Variants in CECR2 observed in about 807,000 individuals in gnomAD.
CECR2 encodes CECR2 histone acetyl-lysine reader, also known as chromatin remodeling regulator CECR2.
A neutral mutation model predicts 154.5 loss-of-function variants in CECR2; 30 were observed. That is an observed-to-expected ratio of 0.19 (90% CI 0.15 to 0.26). CECR2 has a LOEUF of 0.26. CECR2 is among the 10% of genes least tolerant of loss of function. The probability of loss-of-function intolerance (pLI) is 1.00; values close to 1 mark genes in which losing one functional copy is unlikely to be tolerated. For synonymous variants in CECR2, 725 were observed against 683.7 expected (o/e 1.06, Z -0.94); for missense variants, 1,743 against 1,829.3 (o/e 0.95, Z 0.86).
In CECR2 at chr22:17,405,638, TCAA is replaced by T. The variant is rs2053972127; in HGVS notation, c.126+35730_126+35732del. ...CTGGGCAAAAGAGTGAGACTCCATC[TCAA>T]AAAAAAAAAAAAAAAAAAAAAAAAA... On this transcript the variant is annotated intron_variant, in intron 1 of 18. Coordinates refer to ENST00000262608, the MANE Select transcript of CECR2 (RefSeq NM_001290047.2). Among the ~76,000 whole-genome samples, 4 of 56,170 alleles carry T rather than the reference TCAA, an allele frequency of 7.1e-5. No homozygotes were observed. In the Admixed American group the frequency reaches 8.5e-4, roughly 12 times the overall value. 36.8% of individuals were successfully genotyped at this position (56,170 alleles called of 152,430 possible). A position where few individuals can be genotyped will look rare whatever the true frequency, so the allele number is the denominator to read the frequency against.
chr22:17,532,350 G>A (rs1327932123), intron 9 of CECR2, among the ~76,000 whole-genome samples: 1 of 152,176 alleles, frequency 6.6e-6, no homozygotes, highest in African/African-American at 2.4e-5. Context: ...AAGACTGTAG[G>A]TGAGAGTCTG....
intron 1 of CECR2, among the ~76,000 whole-genome samples, chr22:17,411,960 G>A (rs866856071): frequency 4.6e-5 from 7 of 151,908 alleles, no homozygotes; most frequent in Admixed American, 2.0e-4. Flanking sequence ...CCCTGTTGTC[G>A]GACGTCAAGG....
chr22:17,540,179 T>C (rs1376848671), intron 13 of CECR2, among the ~76,000 whole-genome samples: 1 of 152,208 alleles, frequency 6.6e-6, no homozygotes, highest in African/African-American at 2.4e-5. Flanking sequence ...CCATACAACC[T>C]TGGGCATCTT....
intron 2 of CECR2, among the ~76,000 whole-genome samples, chr22:17,495,163 A>G (rs535091529): frequency 6.0e-4 from 91 of 152,266 alleles, no homozygotes; most frequent in Non-Finnish European, 1.0e-3. Context: ...ATAAGAAAAA[A>G]CTTTTCACAT....
chr22:17,379,090 G>A (rs2063154818), intron 1 of CECR2, among the ~76,000 whole-genome samples: 1 of 152,036 alleles, frequency 6.6e-6, no homozygotes, highest in African/African-American at 2.4e-5. Flanking sequence ...TCAAGAAGCT[G>A]GTATTACAGG....
Position 17,504,877 on chromosome 22 carries a change from G to T in CECR2, c.731G>T (p.Trp244Leu), listed in dbSNP as rs778468695. Residue 244 changes from tryptophan to leucine, a missense_variant, in exon 7 of 19, where the codon TGG (tryptophan) becomes TTG (leucine). Physicochemically the swap from Trp to Leu is moderately conservative, Grantham distance 61. This residue lies in a region of CECR2 where 292 missense variants were observed against 301.2 expected (regional missense o/e 0.97). Coordinates refer to ENST00000262608, the MANE Select transcript of CECR2 (RefSeq NM_001290047.2). Reference protein sequence around the residue: ...GSQGPGQGTWWLLCQTEEEWR... With the variant: ...GSQGPGQGTWLLLCQTEEEWR... ...CAAGGGCCAGGCCAAGGTACTTGGT[G>T]GCTCCTGTGCCAGACAGAAGAGGAA... 7 of 1,613,790 alleles carry T rather than the reference G, an allele frequency of 4.3e-6. No individual in the cohort carries two copies. Among genetic ancestry groups the T allele is most frequent in the Non-Finnish European group, 5.9e-6 (7 of 1,179,872 alleles).
At chr22:17,515,818 G>C (rs1311414155) in intron 8 of CECR2, among the ~76,000 whole-genome samples, 1 of 152,056 alleles carries the variant, frequency 6.6e-6, no homozygotes, top group Non-Finnish European at 1.5e-5. Flanking sequence ...TGGGACTACA[G>C]GCGCCCGCCA....
At chr22:17,528,902 G>A (rs1305846841) in intron 9 of CECR2, among the ~76,000 whole-genome samples, 1 of 152,142 alleles carries the variant, frequency 6.6e-6, no homozygotes, top group African/African-American at 2.4e-5. Context: ...TAATAGTGGT[G>A]AGTGATCTGA....
intron 8 of CECR2, among the ~76,000 whole-genome samples, chr22:17,522,226 T>TG (rs1215557076): frequency 6.6e-6 from 1 of 152,240 alleles, no homozygotes; most frequent in African/African-American, 2.4e-5. Flanking sequence ...TGGTGTTTTT[T>TG]TGGCATCAGT....
chr22:17,548,276 G>A lies in CECR2; in HGVS notation c.2989G>A (p.Glu997Lys), dbSNP rs768076456. Reference protein sequence around the residue: ...TDCTRQSSPQERETVGPELKS... With the variant: ...TDCTRQSSPQKRETVGPELKS... ...CTGCACCAGGCAGAGCTCACCACAA[G>A]AAAGGGAAACAGTGGGCCCGGAGCT... The change falls in exon 17 of 19, where the codon GAA becomes AAA. Residue 997 changes from glutamate to lysine, a missense_variant. This residue lies in a region of CECR2 where 1,250 missense variants were observed against 1,192.1 expected (regional missense o/e 1.05). Coordinates refer to ENST00000262608, the MANE Select transcript of CECR2 (RefSeq NM_001290047.2). The A allele has an allele frequency of 6.2e-7, 1 of 1,607,606 alleles. No homozygotes were observed. Among genetic ancestry groups the A allele is most frequent in the South Asian group, 1.1e-5 (1 of 89,916 alleles).
chr22:17,373,504 T>G (rs2063084225), intron 1 of CECR2, among the ~76,000 whole-genome samples: 1 of 152,188 alleles, frequency 6.6e-6, no homozygotes, highest in Non-Finnish European at 1.5e-5. Context: ...ATTGTATCCT[T>G]CCACTCAGGG....
chr22:17,524,799 G>A, intron 9 of CECR2: 2 of 329,864 alleles, frequency 6.1e-6, no homozygotes, highest in South Asian at 2.1e-5. Context: ...AGCCTCCCGA[G>A]TAGCTAGGAC....
At chr22:17,504,455 G>T (rs2055797897) in intron 6 of CECR2, among the ~76,000 whole-genome samples, 1 of 132,762 alleles carries the variant, frequency 7.5e-6, no homozygotes, top group South Asian at 2.3e-4. Flanking sequence ...TTATTTATTT[G>T]AGACGGAGTC....
intron 1 of CECR2, among the ~76,000 whole-genome samples, chr22:17,389,105 C>T (rs942984976): frequency 4.6e-5 from 7 of 152,078 alleles, no homozygotes; most frequent in African/African-American, 4.8e-5. Flanking sequence ...TGAGCCACTG[C>T]GCCCGGCCTT....
intron 7 of CECR2, among the ~76,000 whole-genome samples, chr22:17,509,532 C>CCTT (rs2055904312): frequency 6.6e-6 from 1 of 151,634 alleles, no homozygotes; most frequent in Non-Finnish European, 1.5e-5. Flanking sequence ...TGGGCTCAAA[C>CCTT]GATTCTCCTC....
At chr22:17,448,865 T>TTTTA (rs764309182) in intron 1 of CECR2, among the ~76,000 whole-genome samples, 2 of 152,108 alleles carry the variant, frequency 1.3e-5, no homozygotes, top group Admixed American at 6.6e-5. Context: ...GATTCCTCTT[T>TTTTA]TTTATTTATT....
intron 1 of CECR2, among the ~76,000 whole-genome samples, chr22:17,397,271 C>G (rs1301930155): frequency 1.3e-5 from 2 of 152,026 alleles, no homozygotes; most frequent in Non-Finnish European, 2.9e-5. Flanking sequence ...TCTCGAGTAG[C>G]TAGGATTACA....
chr22:17,485,282 C>T lies in CECR2; in HGVS notation c.221+7600C>T, dbSNP rs1485592942. Among the ~76,000 whole-genome samples the T allele has an allele frequency of 3.3e-5, 5 of 152,160 alleles. No homozygotes were observed. The East Asian group carries it at 9.6e-4, about 29-fold the overall frequency. On this transcript the variant is annotated intron_variant, in intron 2 of 18. Transcript: ENST00000262608. ...TAATTGAGACAGTACAGATCTGTTT[C>T]CTAGACCTCCGACTCCTAACTGCAG... is the stretch of plus-strand genomic sequence containing the variant.
chr22:17,427,670 AGT>A (rs1229546540), intron 1 of CECR2, among the ~76,000 whole-genome samples: 1 of 152,152 alleles, frequency 6.6e-6, no homozygotes, highest in African/African-American at 2.4e-5. Context: ...AAGCTTCCAC[AGT>A]GTGGAAGGGG....
Sources: gnomAD v4.1 joint callset for allele counts (sites outside exome capture counted in the v4.1 genomes callset) on GRCh38, gnomAD v4.1.1 for gene constraint, gnomAD v4.1.1 regional missense constraint, MANE v1.5 for transcripts, NCBI Gene and HGNC (gene_info 2026-07-23, HGNC 2026-07-21) for gene names.